NF1: variants seen among roughly 807,000 people sequenced by gnomAD.
The protein encoded by NF1 is neurofibromin 1.
Under a neutral mutation model 325.7 loss-of-function variants are expected in NF1, and 122 were observed. The ratio of observed to expected loss-of-function variants is 0.37; its 90% confidence interval spans 0.32 to 0.44. The LOEUF is 0.44. NF1 is among the 20% of genes least tolerant of loss of function. The pLI is 1.00. For missense variants in NF1, 2,140 were observed against 3,415.4 expected (o/e 0.63, Z 9.31); for synonymous variants, 1,091 against 1,186.0 (o/e 0.92, Z 1.65).
At chr17:31,365,933 ATTTT>A (rs1219842483) in intron 57 of NF1, among the ~76,000 whole-genome samples, 3 of 139,952 alleles carry the variant, frequency 2.1e-5, no homozygotes, top group Admixed American at 7.2e-5. Flanking sequence ...GATCTATTTA[ATTTT>A]TTTTTTTTTT....
chr17:31,351,542 G>A (rs1567624687), intron 50 of NF1, among the ~76,000 whole-genome samples: 1 of 151,958 alleles, frequency 6.6e-6, no homozygotes, highest in African/African-American at 2.4e-5. Flanking sequence ...TCATCCTCCC[G>A]AGTAGCTGGG....
chr17:31,263,153 T>TA (rs1207862874), intron 35 of NF1, among the ~76,000 whole-genome samples: 4 of 151,618 alleles, frequency 2.6e-5, no homozygotes, highest in African/African-American at 9.7e-5. Context: ...ATAGATAAGA[T>TA]AGATAGATTG....
chr17:31,367,910 C>G (rs1567631847), intron 57 of NF1, among the ~76,000 whole-genome samples: 1 of 151,572 alleles, frequency 6.6e-6, no homozygotes, highest in African/African-American at 2.4e-5. Flanking sequence ...GATCGCACCA[C>G]CGCACTCCAG....
intron 5 of NF1, among the ~76,000 whole-genome samples, chr17:31,173,499 G>A (rs1052962138): frequency 2.6e-5 from 4 of 152,144 alleles, no homozygotes; most frequent in Admixed American, 2.0e-4. Flanking sequence ...GGGTGGCCGA[G>A]GCACAGCAGA....
chr17:31,194,517 G>A (rs2066401664), intron 8 of NF1, among the ~76,000 whole-genome samples: 1 of 152,116 alleles, frequency 6.6e-6, no homozygotes, highest in African/African-American at 2.4e-5. Flanking sequence ...AAGTTTCAAA[G>A]AGCTAGGAGG....
At chr17:31,154,735 T>G (rs1917201767) in intron 1 of NF1, among the ~76,000 whole-genome samples, 1 of 36,976 alleles carries the variant, frequency 2.7e-5, no homozygotes, top group South Asian at 1.4e-3. Flanking sequence ...GTATTTCCTT[T>G]TTTTTTTTTT....
At chr17:31,242,697 A>G (rs915469856) in intron 29 of NF1, among the ~76,000 whole-genome samples, 1 of 152,064 alleles carries the variant, frequency 6.6e-6, no homozygotes, top group Non-Finnish European at 1.5e-5. Context: ...CCTTCTCCAC[A>G]TTATCATGGA....
chr17:31,275,926 A>G (rs772879174), intron 36 of NF1, among the ~76,000 whole-genome samples: 9 of 152,090 alleles, frequency 5.9e-5, no homozygotes, highest in Admixed American at 3.9e-4. Context: ...GGCCAGTTAT[A>G]AAGAATAGGA....
intron 1 of NF1, among the ~76,000 whole-genome samples, chr17:31,120,850 A>G (rs1914363942): frequency 6.6e-6 from 1 of 152,108 alleles, no homozygotes; most frequent in Admixed American, 6.6e-5. Flanking sequence ...CAACATTTTT[A>G]AGAATCCAGT....
chr17:31,234,423 C>A (rs578230388), intron 27 of NF1, among the ~76,000 whole-genome samples: 5 of 152,044 alleles, frequency 3.3e-5, no homozygotes, highest in African/African-American at 1.2e-4. Context: ...CCTGTAATCC[C>A]AGCACTTTGG....
intron 36 of NF1, chr17:31,307,974 G>A: frequency 8.1e-7 from 1 of 1,228,364 alleles, no homozygotes; most frequent in Non-Finnish European, 1.1e-6. Flanking sequence ...TTTAGTAGAA[G>A]AAAAGATATG....
chr17:31,108,063 G>T (rs1913028745), intron 1 of NF1, among the ~76,000 whole-genome samples: 1 of 151,544 alleles, frequency 6.6e-6, no homozygotes, highest in South Asian at 2.1e-4. Context: ...AGCCCAGGAG[G>T]TTGAGCCTGC....
intron 3 of NF1, among the ~76,000 whole-genome samples, chr17:31,161,012 A>AT: frequency 6.6e-6 from 1 of 152,156 alleles, no homozygotes; most frequent in Non-Finnish European, 1.5e-5. Context: ...TCCTTCAGTG[A>AT]TTTTACAGAT....
intron 36 of NF1, chr17:31,317,530 G>A (rs1032780548): frequency 1.3e-5 from 2 of 152,036 alleles, no homozygotes; most frequent in African/African-American, 4.8e-5. Context: ...ATCATAAACA[G>A]TGAAACATAC....
At chr17:31,172,373 T>TC in intron 5 of NF1, among the ~76,000 whole-genome samples, 1 of 145,754 alleles carries the variant, frequency 6.9e-6, no homozygotes, top group Non-Finnish European at 1.6e-5. Flanking sequence ...CTCTCTCTCT[T>TC]TCTCTCTTTC....
intron 36 of NF1, among the ~76,000 whole-genome samples, chr17:31,274,887 A>G (rs566581097): frequency 5.3e-5 from 8 of 152,320 alleles, no homozygotes; most frequent in Admixed American, 3.9e-4. Context: ...TTTAAAATTC[A>G]GAAGTTAGTG....
intron 9 of NF1, 68 bp downstream of exon 9, chr17:31,200,663 T>A: frequency 1.3e-6 from 2 of 1,529,304 alleles, no homozygotes; most frequent in Admixed American, 1.7e-5. Flanking sequence ...GCATAAGTAT[T>A]ATGTCAAAGA....
At chr17:31,298,261 C>G (rs1199627818) in intron 36 of NF1, among the ~76,000 whole-genome samples, 1 of 152,036 alleles carries the variant, frequency 6.6e-6, no homozygotes, top group Non-Finnish European at 1.5e-5. Context: ...AAATTTTGCT[C>G]CACTCTTCAG....
chr17:31,191,406 A>C (rs1470490178), intron 8 of NF1, among the ~76,000 whole-genome samples: 1 of 152,214 alleles, frequency 6.6e-6, no homozygotes, highest in African/African-American at 2.4e-5. Context: ...GTGAATGAAT[A>C]AACCAGTGGT....
Sources: gnomAD v4.1 joint callset for allele counts (sites outside exome capture counted in the v4.1 genomes callset) on GRCh38, gnomAD v4.1.1 for gene constraint, MANE v1.5 for transcripts, NCBI Gene and HGNC (gene_info 2026-07-23, HGNC 2026-07-21) for gene names.